CEP41: variants seen among roughly 807,000 people sequenced by gnomAD.
CEP41 encodes the protein centrosomal protein of 41 kDa.
Under a neutral mutation model 44.3 loss-of-function variants are expected in CEP41, and 32 were observed. The ratio of observed to expected loss-of-function variants is 0.72; its 90% CI spans 0.54 to 0.97. The LOEUF (loss-of-function observed/expected upper bound fraction) is 0.97, where lower values mean the gene tolerates loss of function less well. Among genes scored for constraint, CEP41 ranks in the 50% least tolerant of loss-of-function variants. The pLI is 0.00. For missense variants in CEP41, 432 were observed against 455.2 expected (o/e 0.95, Z 0.46); for synonymous variants, 151 against 168.5 (o/e 0.90, Z 0.80).
At chr7:130,415,385 C>T (rs1797303811) in intron 3 of CEP41, among the ~76,000 whole-genome samples, 2 of 152,106 alleles carry the variant, frequency 1.3e-5, no homozygotes, top group South Asian at 2.1e-4. Flanking sequence ...AATGTAGATG[C>T]CAAACCAGAA....
At chr7:130,406,631 G>C (rs1797018553) in intron 5 of CEP41, among the ~76,000 whole-genome samples, 1 of 152,032 alleles carries the variant, frequency 6.6e-6, no homozygotes, top group East Asian at 1.9e-4. Context: ...AATTATTAAA[G>C]AGGATATTAA....
At chr7:130,435,051 T>C (rs549269455) in intron 1 of CEP41, among the ~76,000 whole-genome samples, 1 of 152,302 alleles carries the variant, frequency 6.6e-6, no homozygotes, top group African/African-American at 2.4e-5. Context: ...ATCTCCAGGA[T>C]ATATTGTTAA....
At chr7:130,416,596 TGAA>T in intron 3 of CEP41, among the ~76,000 whole-genome samples, 1 of 152,316 alleles carries the variant, frequency 6.6e-6, no homozygotes, top group African/African-American at 2.4e-5. Flanking sequence ...TGAAATATCT[TGAA>T]GAAGGGCATG....
intron 1 of CEP41, among the ~76,000 whole-genome samples, chr7:130,429,981 A>G (rs1240408849): frequency 6.6e-6 from 1 of 152,260 alleles, no homozygotes; most frequent in Non-Finnish European, 1.5e-5. Flanking sequence ...AGAAGAGAAC[A>G]TCGGACTTAT....
intron 1 of CEP41, among the ~76,000 whole-genome samples, chr7:130,437,548 A>G (rs1798003044): frequency 6.6e-6 from 1 of 151,656 alleles, no homozygotes; most frequent in Admixed American, 6.6e-5. Context: ...CCAAGGCAGG[A>G]TTGCTTGAGC....
rs149052906 is a variant in CEP41, at chr7:130,400,759, C to T, written c.705G>A (p.Ala235=). The T allele has an allele frequency of 3.7e-5, 59 of 1,613,686 alleles. No individual in the cohort carries two copies. Among genetic ancestry groups the T allele is most frequent in the Middle Eastern group, 3.3e-4 (2 of 6,080 alleles). Residue 235 remains alanine (A), a synonymous_variant, in exon 9 of 11, where the codon GCG becomes GCA. Coordinates refer to ENST00000223208, the MANE Select transcript of CEP41 (RefSeq NM_018718.3). ...ATCCACGCTCGCACATGGTGGTGGC[C>T]GCCTGACTGGCCAGCCTTTCATCAT... ...YDDDERLASQ[A]ATTMCERGFE...
chr7:130,440,559 T>C (rs1015123763), intron 1 of CEP41: 4 of 440,662 alleles, frequency 9.1e-6, no homozygotes, highest in African/African-American at 2.0e-5. Flanking sequence ...ATCCCCACAA[T>C]CAGAGATGCT....
chr7:130,431,508 G>A (rs1280007157), intron 1 of CEP41, among the ~76,000 whole-genome samples: 1 of 152,160 alleles, frequency 6.6e-6, no homozygotes. Flanking sequence ...GCTGCATGAG[G>A]AACAAGGAAA....
At chr7:130,421,987 T>G (rs1554422312) in intron 2 of CEP41, 1 of 1,536,014 alleles carries the variant, frequency 6.5e-7, no homozygotes, top group African/African-American at 1.4e-5. Context: ...GCTGGGGAGC[T>G]GGTAAGATAC....
chr7:130,394,052 GTTTTCAAAAGAATC>G lies in CEP41; in HGVS notation c.*4825_*4838del, dbSNP rs1192416985. 16 of 454,104 alleles carry G rather than the reference GTTTTCAAAAGAATC, an allele frequency of 3.5e-5. No individual in the cohort carries two copies. Among genetic ancestry groups the G allele is most frequent in the African/African-American group, 3.2e-4 (16 of 50,136 alleles). 28.1% of individuals were successfully genotyped at this position (454,104 alleles called of 1,614,324 possible). On this transcript the variant is annotated 3_prime_UTR_variant, in exon 11 of 11. Coordinates refer to ENST00000223208, the MANE Select transcript of CEP41 (RefSeq NM_018718.3). ...CTTTTGTGCAGGCAAGCGGAGGAAA[GTTTTCAAAAGAATC>G]TCGGCTGACTAGGAGGGAAGGGAAG...
intron 2 of CEP41, among the ~76,000 whole-genome samples, chr7:130,427,149 C>T (rs1464616572): frequency 6.6e-6 from 1 of 152,198 alleles, no homozygotes; most frequent in African/African-American, 2.4e-5. Context: ...TCGTCATTTA[C>T]TTTTCTCAAT....
intron 2 of CEP41, chr7:130,421,032 G>C (rs1467245929): frequency 1.0e-6 from 1 of 978,980 alleles, no homozygotes; most frequent in Non-Finnish European, 1.2e-6. Flanking sequence ...GTAGCATTTA[G>C]CTTCTACTTT....
At chr7:130,412,008 TCTTCATGTGAACA>T in intron 4 of CEP41, 158 bp downstream of exon 4, 2 of 640,686 alleles carry the variant, frequency 3.1e-6, no homozygotes. Context: ...TTTCTCACCA[TCTTCATGTGAACA>T]CACACACCAC....
chr7:130,406,269 TA>T (rs1377577176), intron 5 of CEP41, among the ~76,000 whole-genome samples: 1 of 152,136 alleles, frequency 6.6e-6, no homozygotes, highest in Non-Finnish European at 1.5e-5. Context: ...TTCTAACCAA[TA>T]CAATAAAGTT....
intron 1 of CEP41, among the ~76,000 whole-genome samples, chr7:130,436,107 T>G (rs1280442803): frequency 6.6e-6 from 1 of 152,200 alleles, no homozygotes; most frequent in Non-Finnish European, 1.5e-5. Context: ...TGAGCTGAGA[T>G]GGTGCCGCTG....
intron 8 of CEP41, among the ~76,000 whole-genome samples, chr7:130,401,429 C>G (rs1796840327): frequency 6.6e-6 from 1 of 151,638 alleles, no homozygotes. Context: ...ATAAAATATA[C>G]TAATAATGTA....
At chr7:130,425,723 T>G (rs957401826) in intron 2 of CEP41, among the ~76,000 whole-genome samples, 2 of 152,234 alleles carry the variant, frequency 1.3e-5, no homozygotes, top group East Asian at 3.8e-4. Context: ...CACTTATACT[T>G]TAATAGCCAA....
At chr7:130,400,631 G>C in intron 9 of CEP41, 76 bp downstream of exon 9, 1 of 908,980 alleles carries the variant, frequency 1.1e-6, no homozygotes, top group East Asian at 2.6e-5. Context: ...TGAGCACCAA[G>C]AGAGAAAAGG....
At chr7:130,399,134 A>T in intron 10 of CEP41, 95 bp from the exon 11 acceptor site, 3 of 1,489,688 alleles carry the variant, frequency 2.0e-6, no homozygotes, top group Non-Finnish European at 2.8e-6. Flanking sequence ...CCTAGCCTAC[A>T]ACCACTTTTA....
Sources: gnomAD v4.1 joint callset for allele counts (sites outside exome capture counted in the v4.1 genomes callset) on GRCh38, gnomAD v4.1.1 for gene constraint, MANE v1.5 for transcripts, NCBI Gene and HGNC (gene_info 2026-07-23, HGNC 2026-07-21) for gene names.